Variants in ITGA9 observed in about 807,000 individuals in gnomAD.
ITGA9 encodes the protein integrin alpha-9.
Under a neutral mutation model 127.8 loss-of-function variants are expected in ITGA9, and 56 were observed. The ratio of observed to expected loss-of-function variants is 0.44; its 90% CI spans 0.35 to 0.55. The LOEUF (loss-of-function observed/expected upper bound fraction) is 0.55, where lower values mean the gene tolerates loss of function less well. Among genes scored for constraint, ITGA9 ranks in the 20% least tolerant of loss-of-function variants. The pLI, the probability that ITGA9 is intolerant of heterozygous loss-of-function variation, is 0.00. For missense variants in ITGA9, 1,196 were observed against 1,347.1 expected (o/e 0.89, Z 1.76); for synonymous variants, 508 against 514.5 (o/e 0.99, Z 0.17).
At chr3:37,756,867 AC>A (rs1376696915) in intron 23 of ITGA9, among the ~76,000 whole-genome samples, 1 of 152,256 alleles carries the variant, frequency 6.6e-6, no homozygotes, top group Non-Finnish European at 1.5e-5. Context: ...TAGGCAAACA[AC>A]CAACCAAAAA....
At chr3:37,780,159 G>A in intron 25 of ITGA9, 138 bp downstream of exon 25, 1 of 1,014,164 alleles carries the variant, frequency 9.9e-7, no homozygotes, top group Non-Finnish European at 1.5e-6. Flanking sequence ...CCCCCTTTTG[G>A]CTGTCTACAA....
At chr3:37,691,117 T>A (rs2125667270) in intron 18 of ITGA9, among the ~76,000 whole-genome samples, 1 of 152,300 alleles carries the variant, frequency 6.6e-6, no homozygotes, top group African/African-American at 2.4e-5. Context: ...TGCTCTTGGG[T>A]GCAGAGATGC....
intron 16 of ITGA9, among the ~76,000 whole-genome samples, chr3:37,645,959 A>G (rs1211510844): frequency 6.6e-6 from 1 of 152,148 alleles, no homozygotes; most frequent in Non-Finnish European, 1.5e-5. Flanking sequence ...TCTGAATCAC[A>G]TGTCCCCAAA....
chr3:37,532,853 G>A (rs1047094108), intron 13 of ITGA9, among the ~76,000 whole-genome samples: 1 of 152,304 alleles, frequency 6.6e-6, no homozygotes, highest in African/African-American at 2.4e-5. Context: ...CAACTGCATG[G>A]GGCTACAACA....
chr3:37,744,440 A>T (rs1329002891), intron 22 of ITGA9, among the ~76,000 whole-genome samples: 1 of 152,170 alleles, frequency 6.6e-6, no homozygotes, highest in African/African-American at 2.4e-5. Context: ...TTGCCAGCTC[A>T]TCCAGGAGCC....
chr3:37,785,447 C>T (rs986472754), intron 26 of ITGA9, among the ~76,000 whole-genome samples: 2 of 152,140 alleles, frequency 1.3e-5, no homozygotes, highest in African/African-American at 4.8e-5. Context: ...TTACCCGTCA[C>T]ATTACTCCAT....
intron 5 of ITGA9, 106 bp downstream of exon 5, chr3:37,494,674 C>T: frequency 3.3e-6 from 3 of 895,668 alleles, no homozygotes; most frequent in South Asian, 2.8e-5. Context: ...GTCCCAGATA[C>T]TTGAGCCTCG....
chr3:37,690,310 A>G (rs924793038), intron 18 of ITGA9, among the ~76,000 whole-genome samples: 3 of 152,234 alleles, frequency 2.0e-5, no homozygotes, highest in African/African-American at 7.2e-5. Flanking sequence ...ACAAAGGGCC[A>G]GTAACATTTC....
chr3:37,562,146 G>T (rs191017927), intron 15 of ITGA9, among the ~76,000 whole-genome samples: 3 of 152,284 alleles, frequency 2.0e-5, no homozygotes. Context: ...CCTTCTGGTT[G>T]TGGGCAGACT....
intron 14 of ITGA9, among the ~76,000 whole-genome samples, chr3:37,534,528 G>A (rs1324468787): frequency 6.6e-6 from 1 of 152,232 alleles, no homozygotes; most frequent in African/African-American, 2.4e-5. Context: ...AAATATTTAC[G>A]TGAGCTAGTT....
At chr3:37,813,744 C>T (rs886068104) in intron 27 of ITGA9, among the ~76,000 whole-genome samples, 5 of 152,156 alleles carry the variant, frequency 3.3e-5, no homozygotes, top group Non-Finnish European at 7.3e-5. Flanking sequence ...CTCTATGTTA[C>T]ATGAGTTAAG....
chr3:37,657,077 G>T (rs187265106), intron 17 of ITGA9, among the ~76,000 whole-genome samples: 29 of 152,256 alleles, frequency 1.9e-4, no homozygotes, highest in African/African-American at 4.6e-4. Context: ...TTGATGTGCG[G>T]CTGGATTCAG....
chr3:37,527,960 A>G (rs1699110843), intron 13 of ITGA9, among the ~76,000 whole-genome samples: 3 of 151,958 alleles, frequency 2.0e-5, no homozygotes, highest in Middle Eastern at 3.4e-3. Flanking sequence ...TAATTTTTTA[A>G]TATTTTTAGT....
chr3:37,704,347 C>G (rs1247156069), intron 18 of ITGA9, among the ~76,000 whole-genome samples: 1 of 152,136 alleles, frequency 6.6e-6, no homozygotes, highest in African/African-American at 2.4e-5. Flanking sequence ...CACTCCAGGT[C>G]CTGGAAAGCT....
chr3:37,513,106 C>A (rs1410885084), intron 8 of ITGA9, among the ~76,000 whole-genome samples: 2 of 152,162 alleles, frequency 1.3e-5, no homozygotes, highest in Non-Finnish European at 2.9e-5. Flanking sequence ...TATTTTCATG[C>A]CTTTCTTGTG....
intron 23 of ITGA9, among the ~76,000 whole-genome samples, chr3:37,758,272 G>A (rs534008455): frequency 5.2e-4 from 72 of 137,266 alleles, no homozygotes; most frequent in South Asian, 4.6e-3. Context: ...GCAGTGAGCC[G>A]AGATTGCGCC....
intron 24 of ITGA9, among the ~76,000 whole-genome samples, chr3:37,778,481 G>A (rs1696933676): frequency 6.6e-6 from 1 of 152,070 alleles, no homozygotes; most frequent in South Asian, 2.1e-4. Context: ...AGCTGGATGT[G>A]GTAGTGGGCG....
At chr3:37,596,419 G>A (rs1006784773) in intron 15 of ITGA9, among the ~76,000 whole-genome samples, 2 of 152,176 alleles carry the variant, frequency 1.3e-5, no homozygotes, top group Non-Finnish European at 1.5e-5. Context: ...TCCGACCTGA[G>A]CCCCTTGGAG....
intron 16 of ITGA9, among the ~76,000 whole-genome samples, chr3:37,632,985 A>C (rs180705139): frequency 6.6e-6 from 1 of 152,310 alleles, no homozygotes; most frequent in South Asian, 2.1e-4. Context: ...CTTGTACTTC[A>C]ACAAAACAAA....
Sources: gnomAD v4.1 joint callset for allele counts (sites outside exome capture counted in the v4.1 genomes callset) on GRCh38, gnomAD v4.1.1 for gene constraint, MANE v1.5 for transcripts, NCBI Gene and HGNC (gene_info 2026-07-23, HGNC 2026-07-21) for gene names.